ENOX1: variants seen among roughly 807,000 people sequenced by gnomAD.
ENOX1 encodes ecto-NOX disulfide-thiol exchanger 1.
Under a neutral mutation model 82.5 loss-of-function variants are expected in ENOX1, and 42 were observed. The observed-to-expected ratio is 0.51, with a 90% CI of 0.40 to 0.66. The LOEUF is 0.66. Ranked by LOEUF, ENOX1 falls within the 30% of genes least tolerant of loss-of-function variation. ENOX1 has a pLI of 0.00. For synonymous variants in ENOX1, 271 were observed against 282.2 expected, an observed-to-expected ratio of 0.96 and a Z score of 0.40; for missense variants, 608 against 811.6, an observed-to-expected ratio of 0.75 and a Z score of 3.05.
At chr13:43,674,533 A>C (rs1157781439) in intron 1 of ENOX1, among the ~76,000 whole-genome samples, 2 of 152,152 alleles carry the variant, frequency 1.3e-5, no homozygotes, top group Non-Finnish European at 2.9e-5. Context: ...GGGAAAACTC[A>C]AACTATGGAG....
chr13:43,618,495 T>C (rs554013595), intron 2 of ENOX1, among the ~76,000 whole-genome samples: 1 of 152,270 alleles, frequency 6.6e-6, no homozygotes, highest in African/African-American at 2.4e-5. Context: ...TTGAAAAGGG[T>C]GTCCTTTCCC....
chr13:43,566,311 GGAT>G (rs1054231377), intron 2 of ENOX1, among the ~76,000 whole-genome samples: 2 of 151,898 alleles, frequency 1.3e-5, no homozygotes, highest in Non-Finnish European at 2.9e-5. Context: ...TTCTTGAAAA[GGAT>G]GATTATCTCA....
chr13:43,256,913 G>A (rs1317477844), intron 14 of ENOX1, among the ~76,000 whole-genome samples: 12 of 152,120 alleles, frequency 7.9e-5, no homozygotes, highest in Non-Finnish European at 1.5e-4. Context: ...AGTGTCCATC[G>A]TCAGATGAAT....
In ENOX1 at chr13:43,745,835, C is replaced by T. The variant is rs368263808; in HGVS notation, c.-285+40817G>A. ...TGAGATCCTATGGTTTTATAAGGGG[C>T]TTTTCCCCCTTTTGGTCAGCACTTC... On this transcript the variant is annotated intron_variant, in intron 1 of 16. Coordinates refer to ENST00000690772, the MANE Select transcript of ENOX1 (RefSeq NM_001347969.2). Among the ~76,000 whole-genome samples, 11 of 152,210 alleles carry T rather than the reference C, an allele frequency of 7.2e-5. No homozygotes were observed. In the East Asian group the frequency reaches 1.5e-3, roughly 21 times the overall value.
At chr13:43,678,001 G>A (rs977517951) in intron 1 of ENOX1, among the ~76,000 whole-genome samples, 3 of 151,660 alleles carry the variant, frequency 2.0e-5, no homozygotes, top group Admixed American at 6.6e-5. Context: ...TCACTAATTC[G>A]GAATTGGTGA....
intron 2 of ENOX1, among the ~76,000 whole-genome samples, chr13:43,626,879 A>G (rs927572086): frequency 2.6e-5 from 4 of 151,866 alleles, no homozygotes; most frequent in Non-Finnish European, 1.5e-5. Flanking sequence ...ACTTTTGAGA[A>G]AGGGGTGTTG....
intron 2 of ENOX1, among the ~76,000 whole-genome samples, chr13:43,488,128 T>C (rs1466053953): frequency 6.6e-6 from 1 of 152,188 alleles, no homozygotes; most frequent in Non-Finnish European, 1.5e-5. Context: ...CCCTGTTTCC[T>C]AGCCATGGAA....
At chr13:43,289,248 C>T (rs2045870473) in intron 12 of ENOX1, among the ~76,000 whole-genome samples, 1 of 151,848 alleles carries the variant, frequency 6.6e-6, no homozygotes, top group African/African-American at 2.4e-5. Context: ...CAAAAAGAGC[C>T]CCAAACAACC....
chr13:43,715,985 C>A (rs1190092529), intron 1 of ENOX1, among the ~76,000 whole-genome samples: 2 of 152,198 alleles, frequency 1.3e-5, no homozygotes, highest in South Asian at 2.1e-4. Flanking sequence ...TTTTTAACTT[C>A]TTTGCCATTG....
At chr13:43,476,521 C>G (rs966090505) in intron 3 of ENOX1, among the ~76,000 whole-genome samples, 1 of 152,098 alleles carries the variant, frequency 6.6e-6, no homozygotes, top group Admixed American at 6.6e-5. Context: ...AAATGTACTT[C>G]AAAAAGTAAC....
chr13:43,710,023 T>C (rs186589183), intron 1 of ENOX1, among the ~76,000 whole-genome samples: 81 of 152,282 alleles, frequency 5.3e-4, no homozygotes, highest in Non-Finnish European at 7.6e-4. Flanking sequence ...ATAAGAACAC[T>C]GGTACCTTAA....
intron 11 of ENOX1, among the ~76,000 whole-genome samples, chr13:43,307,726 C>A (rs1289574585): frequency 6.6e-6 from 1 of 152,244 alleles, no homozygotes; most frequent in African/African-American, 2.4e-5. Flanking sequence ...GACACTGTGA[C>A]TGAATGCTTG....
chr13:43,446,531 T>G (rs1033657165), intron 3 of ENOX1, among the ~76,000 whole-genome samples: 3 of 152,208 alleles, frequency 2.0e-5, no homozygotes, highest in Admixed American at 6.5e-5. Context: ...ACTGGGCTGA[T>G]GGCTCTAACT....
chr13:43,502,238 CCTA>C (rs1248291717), intron 2 of ENOX1, among the ~76,000 whole-genome samples: 1 of 151,572 alleles, frequency 6.6e-6, no homozygotes, highest in African/African-American at 2.4e-5. Context: ...TCAAAAACCA[CCTA>C]CTAAGTAAAA....
chr13:43,580,954 G>T lies in ENOX1; in HGVS notation c.-219+86525C>A, dbSNP rs919296238. Among the ~76,000 whole-genome samples the T allele has an allele frequency of 3.7e-4, 56 of 152,106 alleles. 1 individual carries two copies. The highest frequency in any genetic ancestry group is 1.3e-3 in the African/African-American group (54 of 41,434). On this transcript the variant is annotated intron_variant, in intron 2 of 16. Coordinates refer to ENST00000690772, the MANE Select transcript of ENOX1 (RefSeq NM_001347969.2). ...TCCTTTAGGAGATTAATTGAAGCAG[G>T]TGGTAATGAAAGTTAGGACCTTGTG... is the stretch of plus-strand genomic sequence containing the variant.
At chr13:43,375,633 C>T (rs2051577251) in intron 5 of ENOX1, among the ~76,000 whole-genome samples, 1 of 152,152 alleles carries the variant, frequency 6.6e-6, no homozygotes, top group African/African-American at 2.4e-5. Flanking sequence ...TGAAAAAAGC[C>T]TGACCATACT....
At chr13:43,384,123 C>A (rs2052251948) in intron 5 of ENOX1, among the ~76,000 whole-genome samples, 1 of 152,164 alleles carries the variant, frequency 6.6e-6, no homozygotes, top group Non-Finnish European at 1.5e-5. Context: ...GTAATAACAG[C>A]ACTGATTTCA....
At chr13:43,298,642 A>T in intron 11 of ENOX1, 112 bp from the exon 12 acceptor site, 1 of 986,012 alleles carries the variant, frequency 1.0e-6, no homozygotes, top group Non-Finnish European at 1.5e-6. Flanking sequence ...GTACCAGCTC[A>T]GAAATAAAAG....
chr13:43,295,769 T>C (rs1234708939), intron 12 of ENOX1, among the ~76,000 whole-genome samples: 2 of 152,218 alleles, frequency 1.3e-5, no homozygotes, highest in African/African-American at 4.8e-5. Flanking sequence ...TGTGGTGGGA[T>C]TCAAATTAGC....
Sources: allele counts gnomAD v4.1 joint callset (sites outside exome capture counted in the v4.1 genomes callset), GRCh38; gene constraint gnomAD v4.1.1; transcripts MANE v1.5; gene names NCBI Gene and HGNC (gene_info 2026-07-23, HGNC 2026-07-21).